The following SINHCAF variants were observed in gnomAD, a reference collection of about 807,000 sequenced individuals.
SINHCAF encodes the protein SIN3-HDAC complex associated factor.
In SINHCAF, 3 loss-of-function variants were observed where a neutral mutation model predicts 25.8. That is an observed-to-expected ratio of 0.12 (90% CI 0.05 to 0.30). The LOEUF (loss-of-function observed/expected upper bound fraction) is 0.30. Among genes scored for constraint, SINHCAF ranks in the 10% least tolerant of loss-of-function variants. The pLI, the probability that SINHCAF is intolerant of heterozygous loss-of-function variation, is 1.00. For synonymous variants in SINHCAF, 70 were observed against 85.5 expected, an observed-to-expected ratio of 0.82 and a Z score of 1.00; for missense variants, 121 against 262.3, an observed-to-expected ratio of 0.46 and a Z score of 3.72.
At chr12:31,306,317 A>G (rs531202690) in intron 1 of SINHCAF, among the ~76,000 whole-genome samples, 1 of 152,314 alleles carries the variant, frequency 6.6e-6, no homozygotes, top group Admixed American at 6.5e-5. Context: ...TAGATGGTAC[A>G]CTGTAAATCA....
At chr12:31,323,955 C>G (rs545727943) in intron 1 of SINHCAF, 2 of 455,900 alleles carry the variant, frequency 4.4e-6, no homozygotes, top group Admixed American at 2.3e-5. Context: ...TTCCGTAAAT[C>G]GTGCTTCCCC....
intron 5 of SINHCAF, 117 bp downstream of exon 5, chr12:31,287,517 C>A (rs1169564648): frequency 1.5e-6 from 1 of 661,328 alleles, no homozygotes; most frequent in African/African-American, 1.8e-5. Context: ...GCTTAATCCA[C>A]TGCAATCGTG....
chr12:31,312,735 T>A (rs753387099), intron 1 of SINHCAF, among the ~76,000 whole-genome samples: 27 of 152,234 alleles, frequency 1.8e-4, no homozygotes, highest in Non-Finnish European at 4.0e-4. Context: ...TTTAACTGAG[T>A]CTTGAGGAAC....
intron 1 of SINHCAF, among the ~76,000 whole-genome samples, chr12:31,314,566 G>A (rs1939425348): frequency 6.6e-6 from 1 of 151,768 alleles, no homozygotes; most frequent in Non-Finnish European, 1.5e-5. Flanking sequence ...AGGTGTAGGT[G>A]GTGAAGGAGG....
chr12:31,282,963 T>C lies in SINHCAF; in HGVS notation c.507-92A>G, dbSNP rs1937868801. 4 of 937,312 alleles carry C rather than the reference T, an allele frequency of 4.3e-6. 1 individual carries two copies. In the South Asian group the frequency reaches 6.4e-5, roughly 15 times the overall value. 58.1% of individuals were successfully genotyped at this position (937,312 alleles called of 1,614,324 possible). On this transcript the variant is annotated intron_variant, in intron 5 of 5. Coordinates refer to ENST00000337682, the MANE Select transcript of SINHCAF (RefSeq NM_001135812.2). The stretch of plus-strand genomic sequence containing the variant: ...ACTCACTATTATAACTAGTCCAATA[T>C]AACCAAAGAGTTGTGCTTCTACAAT...
chr12:31,322,851 T>C (rs142892311), intron 1 of SINHCAF, among the ~76,000 whole-genome samples: 8 of 152,282 alleles, frequency 5.3e-5, no homozygotes, highest in African/African-American at 1.9e-4. Flanking sequence ...ATCGGATGTC[T>C]AGACTACAGG....
chr12:31,314,534 A>C (rs1334153691), intron 1 of SINHCAF, among the ~76,000 whole-genome samples: 1 of 152,088 alleles, frequency 6.6e-6, no homozygotes, highest in East Asian at 1.9e-4. Flanking sequence ...TCAAAAAAAA[A>C]AGAAAGATGA....
intron 1 of SINHCAF, among the ~76,000 whole-genome samples, chr12:31,312,356 T>G (rs117123483): frequency 0.012 from 1,761 of 149,724 alleles, 17 homozygotes; most frequent in East Asian, 0.037. Flanking sequence ...TTTACGTATT[T>G]TGTGTGTGTG....
In SINHCAF at chr12:31,282,448, C is replaced by T. The variant is rs1937841286; in HGVS notation, c.*264G>A. The stretch of plus-strand genomic sequence containing the variant: ...GACCAGCCTGGCCAACGTGGTGAAA[C>T]CCCGTCTCTACTAAAACTAAAAAAT... On this transcript the variant is annotated 3_prime_UTR_variant, in exon 6 of 6. Coordinates refer to ENST00000337682, the MANE Select transcript of SINHCAF (RefSeq NM_001135812.2). The T allele has an allele frequency of 3.6e-6, 1 of 275,050 alleles. No individual in the cohort carries two copies. Among genetic ancestry groups the T allele is most frequent in the Non-Finnish European group, 6.7e-6 (1 of 148,878 alleles). 17.0% of individuals were successfully genotyped at this position (275,050 alleles called of 1,614,324 possible).
At chr12:31,307,735 C>T (rs1939094763) in intron 1 of SINHCAF, among the ~76,000 whole-genome samples, 1 of 152,100 alleles carries the variant, frequency 6.6e-6, no homozygotes, top group Non-Finnish European at 1.5e-5. Context: ...AGGGAGAGGA[C>T]CCCATGACTA....
At position 31,313,456 on chromosome 12, in the gene SINHCAF, G is replaced by C. The variant is rs1371545834; in HGVS notation, c.-21+12568C>G. ...CACTAATACTATCTTAATTACTACA[G>C]CTTTATAAGTCATACCTGATAAGTC... On this transcript the variant is annotated intron_variant, in intron 1 of 5. Transcript: ENST00000337682. Among the ~76,000 whole-genome samples the C allele has an allele frequency of 2.6e-5, 4 of 152,094 alleles. No individual in the cohort carries two copies. The East Asian group carries it at 7.7e-4, about 29-fold the overall frequency.
Position 31,310,891 on chromosome 12 carries a change from GAGAGAGTCTCACTCTGTCGCC to G in SINHCAF, c.-20-12688_-20-12668del, listed in dbSNP as rs1192777569. On this transcript the variant is annotated intron_variant, in intron 1 of 5. Coordinates refer to ENST00000337682, the MANE Select transcript of SINHCAF (RefSeq NM_001135812.2). ...CGATCTTTTTTTTTTTTTTTTTCCTGAGAGAGTCTCACTCTGTCGCCAGGCTGGAGTGCAGTGGTACAATCT... is the reference window on the plus strand; with the variant it reads ...CGATCTTTTTTTTTTTTTTTTTCCTGAGGCTGGAGTGCAGTGGTACAATCT... 6.6e-5 allele frequency among the ~76,000 whole-genome samples: 9 copies of G among 137,240 alleles called. No homozygotes were observed. In the East Asian group the frequency reaches 1.0e-3, roughly 16 times the overall value. The allele number at this position is 137,240 out of a possible 152,430, so 90.0% of individuals were successfully genotyped here. A position where few individuals can be genotyped will look rare whatever the true frequency, so the allele number is the denominator to read the frequency against.
At chr12:31,317,765 G>T (rs1331258652) in intron 1 of SINHCAF, among the ~76,000 whole-genome samples, 1 of 152,128 alleles carries the variant, frequency 6.6e-6, no homozygotes, top group African/African-American at 2.4e-5. Context: ...CACTCCATGG[G>T]AGAGACTACG....
At chr12:31,310,700 T>C (rs1473571181) in intron 1 of SINHCAF, among the ~76,000 whole-genome samples, 1 of 152,166 alleles carries the variant, frequency 6.6e-6, no homozygotes, top group East Asian at 1.9e-4. Flanking sequence ...GGGTAGTGCA[T>C]CACCCAAATT....
intron 1 of SINHCAF, 71 bp from the exon 2 acceptor site, chr12:31,298,295 G>A (rs776014610): frequency 1.3e-6 from 2 of 1,570,692 alleles, no homozygotes; most frequent in South Asian, 1.1e-5. Context: ...AGTTCTCTCT[G>A]CTCCACCCCA....
Position 31,293,846 on chromosome 12 carries a change from C to A in SINHCAF, c.314G>T (p.Ser105Ile). The change falls in exon 4 of 6, where the codon AGC becomes ATC. Residue 105 changes from serine to isoleucine, a missense_variant. Coordinates refer to ENST00000337682, the MANE Select transcript of SINHCAF (RefSeq NM_001135812.2). The part of the protein sequence containing the change: ...VKTLSGNRIK[S>I]NQISKLQKEF... ...CTTCTGCAGTTTACTGATCTGGTTG[C>A]TTTTTATCCTGTTCCCAGATAGAGT... is the stretch of plus-strand genomic sequence containing the variant. 1 of 1,612,852 alleles carries A rather than the reference C, an allele frequency of 6.2e-7. No homozygotes were observed. The highest frequency in any genetic ancestry group is 8.5e-7 in the Non-Finnish European group (1 of 1,179,586).
At chr12:31,309,696 C>T (rs1187032265) in intron 1 of SINHCAF, among the ~76,000 whole-genome samples, 5 of 139,356 alleles carry the variant, frequency 3.6e-5, no homozygotes, top group African/African-American at 5.4e-5. Context: ...GACGGAGTCT[C>T]ACTCTGTCGC....
chr12:31,294,699 T>C lies in SINHCAF; in HGVS notation c.228+535A>G, dbSNP rs1256564201. On this transcript the variant is annotated intron_variant, in intron 3 of 5. Coordinates refer to ENST00000337682, the MANE Select transcript of SINHCAF (RefSeq NM_001135812.2). ...ATAACACTGTCATCAAAGGACAATG[T>C]AAGGCTAGTGTGAACGATAACTGTG... 2.0e-5 allele frequency among the ~76,000 whole-genome samples: 3 copies of C among 152,210 alleles called. No individual in the cohort carries two copies. In the East Asian group the frequency reaches 5.8e-4, roughly 29 times the overall value.
intron 1 of SINHCAF, among the ~76,000 whole-genome samples, chr12:31,323,131 G>A (rs1400488118): frequency 6.6e-6 from 1 of 152,098 alleles, no homozygotes; most frequent in Non-Finnish European, 1.5e-5. Flanking sequence ...GCTTCTTCAA[G>A]GTCATCCTAA....
Sources: allele counts gnomAD v4.1 joint callset (sites outside exome capture counted in the v4.1 genomes callset), GRCh38; gene constraint gnomAD v4.1.1; transcripts MANE v1.5; gene names NCBI Gene and HGNC (gene_info 2026-07-23, HGNC 2026-07-21).